GREM2: variants seen among roughly 807,000 people sequenced by gnomAD.
GREM2 encodes gremlin-2.
Under a neutral mutation model 14.2 loss-of-function variants are expected in GREM2, and 11 were observed. The observed-to-expected ratio is 0.78, with a 90% confidence interval of 0.49 to 1.28. The LOEUF (loss-of-function observed/expected upper bound fraction) is 1.28, where lower values mean the gene tolerates loss of function less well. Ranked by LOEUF, GREM2 falls within the 50% of genes most tolerant of loss-of-function variation. The pLI, the probability that GREM2 is intolerant of heterozygous loss-of-function variation, is 0.00. For synonymous variants in GREM2, 98 were observed against 97.6 expected, an observed-to-expected ratio of 1.00 and a Z score of -0.02; for missense variants, 210 against 218.5, an observed-to-expected ratio of 0.96 and a Z score of 0.24.
intron 1 of GREM2, among the ~76,000 whole-genome samples, chr1:240,524,309 A>G (rs1170678294): frequency 6.6e-6 from 1 of 152,274 alleles, no homozygotes; most frequent in Non-Finnish European, 1.5e-5. Context: ...CACCACACCC[A>G]GCTCAATGGA....
chr1:240,571,700 AAAAAAG>A (rs1222285786), intron 1 of GREM2, among the ~76,000 whole-genome samples: 8 of 152,110 alleles, frequency 5.3e-5, no homozygotes, highest in African/African-American at 7.2e-5. Context: ...CTCCATCGCA[AAAAAAG>A]AAAAAGAAAA....
chr1:240,579,877 G>A (rs571497477), intron 1 of GREM2, among the ~76,000 whole-genome samples: 85 of 152,322 alleles, frequency 5.6e-4, no homozygotes, highest in African/African-American at 1.9e-3. Context: ...CCTGGTGAAA[G>A]ATACATAAGT....
intron 1 of GREM2, among the ~76,000 whole-genome samples, chr1:240,568,592 T>C (rs989832886): frequency 1.3e-5 from 2 of 152,058 alleles, no homozygotes; most frequent in Non-Finnish European, 2.9e-5. Context: ...ACTCTGAATA[T>C]AAAAACTAAA....
At chr1:240,602,845 A>G (rs372282544) in intron 1 of GREM2, among the ~76,000 whole-genome samples, 4 of 151,778 alleles carry the variant, frequency 2.6e-5, no homozygotes, top group African/African-American at 9.7e-5. Context: ...AGGCCGAGGC[A>G]GGCGGATCAC....
chr1:240,532,973 A>G (rs1031691791), intron 1 of GREM2, among the ~76,000 whole-genome samples: 1 of 152,138 alleles, frequency 6.6e-6, no homozygotes, highest in Non-Finnish European at 1.5e-5. Context: ...TATTCATTCA[A>G]CCCGTAACAA....
intron 1 of GREM2, among the ~76,000 whole-genome samples, chr1:240,558,938 C>G (rs1298658029): frequency 1.3e-5 from 2 of 152,040 alleles, no homozygotes; most frequent in Non-Finnish European, 2.9e-5. Flanking sequence ...TCTCTTACAT[C>G]TGGATTCCCC....
intron 1 of GREM2, among the ~76,000 whole-genome samples, chr1:240,521,418 A>G (rs1296144536): frequency 1.3e-5 from 2 of 151,456 alleles, no homozygotes; most frequent in South Asian, 2.1e-4. Context: ...AATACAAAAA[A>G]CAATTAGCCG....
intron 1 of GREM2, among the ~76,000 whole-genome samples, chr1:240,525,688 A>G (rs1678205250): frequency 6.6e-6 from 1 of 152,122 alleles, no homozygotes; most frequent in African/African-American, 2.4e-5. Context: ...CATGTTGGCC[A>G]GGTTCATCTT....
chr1:240,518,940 T>C (rs1435171400), intron 1 of GREM2, among the ~76,000 whole-genome samples: 1 of 149,404 alleles, frequency 6.7e-6, no homozygotes, highest in Admixed American at 6.8e-5. Flanking sequence ...CTAGTGTTCT[T>C]GTGGGTCTTC....
At chr1:240,500,505 G>A (rs748434415) in intron 1 of GREM2, among the ~76,000 whole-genome samples, 6 of 151,718 alleles carry the variant, frequency 4.0e-5, no homozygotes, top group South Asian at 2.1e-4. Context: ...AGGTTTCACC[G>A]TGTTGGCCAG....
chr1:240,602,928 C>T (rs534346572), intron 1 of GREM2, among the ~76,000 whole-genome samples: 2 of 151,938 alleles, frequency 1.3e-5, no homozygotes, highest in South Asian at 4.2e-4. Context: ...AAAATACTAG[C>T]CGGGTGTGGT....
chr1:240,577,415 G>C (rs1249641875), intron 1 of GREM2, among the ~76,000 whole-genome samples: 1 of 152,052 alleles, frequency 6.6e-6, no homozygotes, highest in Admixed American at 6.6e-5. Context: ...CTCCAACAAC[G>C]ACACACACAA....
chr1:240,609,980 G>A (rs1334828565), intron 1 of GREM2, among the ~76,000 whole-genome samples: 1 of 151,968 alleles, frequency 6.6e-6, no homozygotes, highest in Non-Finnish European at 1.5e-5. Flanking sequence ...AAGAATGATA[G>A]CAAAAAACAA....
At chr1:240,512,504 CTCACACATG>C (rs1677856233) in intron 1 of GREM2, among the ~76,000 whole-genome samples, 834 of 135,484 alleles carry the variant, frequency 6.2e-3, no homozygotes, top group Middle Eastern at 0.018. Context: ...TCATCTTGAT[CTCACACATG>C]AGCTTTCTGT....
chr1:240,561,768 CTTA>C (rs1410009848), intron 1 of GREM2, among the ~76,000 whole-genome samples: 1 of 151,586 alleles, frequency 6.6e-6, no homozygotes, highest in East Asian at 1.9e-4. Context: ...CTATTGTCTA[CTTA>C]TTATTTGCCA....
chr1:240,570,593 C>G (rs1022340974), intron 1 of GREM2, among the ~76,000 whole-genome samples: 1 of 152,078 alleles, frequency 6.6e-6, no homozygotes, highest in Non-Finnish European at 1.5e-5. Context: ...ACTTACTGTC[C>G]ACATATGACA....
intron 1 of GREM2, among the ~76,000 whole-genome samples, chr1:240,556,573 C>G (rs537252998): frequency 2.0e-5 from 3 of 151,866 alleles, no homozygotes; most frequent in African/African-American, 7.2e-5. Context: ...AAAGGCAAAA[C>G]AACTAAAAGA....
intron 1 of GREM2, among the ~76,000 whole-genome samples, chr1:240,581,531 A>T (rs1679484739): frequency 1.3e-5 from 2 of 152,236 alleles, no homozygotes; most frequent in South Asian, 4.1e-4. Context: ...TTATAATTTT[A>T]TAACAAAGTC....
At chr1:240,553,731 G>A (rs1678900675) in intron 1 of GREM2, among the ~76,000 whole-genome samples, 1 of 152,180 alleles carries the variant, frequency 6.6e-6, no homozygotes, top group South Asian at 2.1e-4. Flanking sequence ...ATCCAAAGCA[G>A]AATTCATATT....
Sources: allele counts gnomAD v4.1 joint callset (sites outside exome capture counted in the v4.1 genomes callset), GRCh38; gene constraint gnomAD v4.1.1; transcripts MANE v1.5; gene names NCBI Gene and HGNC (gene_info 2026-07-23, HGNC 2026-07-21).